The following OPHN1 variants were observed in gnomAD, a reference collection of about 807,000 sequenced individuals.
The protein encoded by OPHN1 is oligophrenin-1.
A neutral mutation model predicts 60.7 loss-of-function variants in OPHN1; 11 were observed. The ratio of observed to expected loss-of-function variants is 0.18; its 90% CI spans 0.11 to 0.30. The LOEUF is 0.30. Among genes scored for constraint, OPHN1 ranks in the 10% least tolerant of loss-of-function variants. The pLI, the probability that OPHN1 is intolerant of heterozygous loss-of-function variation, is 1.00. For synonymous variants in OPHN1, 226 were observed against 222.6 expected, an observed-to-expected ratio of 1.02 and a Z score of -0.14; for missense variants, 449 against 611.0, an observed-to-expected ratio of 0.73 and a Z score of 2.80.
At chrX:68,360,528 A>G (rs2078467018) in intron 2 of OPHN1, among the ~76,000 whole-genome samples, 1 of 110,939 alleles carries the variant, frequency 9.0e-6, no homozygotes, top group Non-Finnish European at 1.9e-5. Context: ...AGTAGCTCAC[A>G]ACTATAATCC....
intron 2 of OPHN1, 53 bp from the exon 3 acceptor site, chrX:68,299,149 A>G (rs1223672741): frequency 1.7e-5 from 14 of 805,093 alleles, no homozygotes; most frequent in Non-Finnish European, 2.6e-5. Context: ...GCTTTGATCT[A>G]TTTCCTCATC....
At chrX:68,103,984 C>G (rs1442913498) in intron 18 of OPHN1, among the ~76,000 whole-genome samples, 1 of 112,046 alleles carries the variant, frequency 8.9e-6, no homozygotes. Flanking sequence ...TCTCAGAAAA[C>G]AAAATCAATG....
At chrX:68,375,962 T>C (rs977170248) in intron 2 of OPHN1, among the ~76,000 whole-genome samples, 2 of 111,315 alleles carry the variant, frequency 1.8e-5, no homozygotes, top group Middle Eastern at 4.6e-3. Context: ...TGCAATACTT[T>C]GCAATATAGC....
rs1219758473 is a variant in OPHN1 at position 68,294,570 on chromosome X, T to C, written c.250+4431A>G. Among the ~76,000 whole-genome samples, 4 of 109,437 alleles carry C rather than the reference T, an allele frequency of 3.7e-5. No individual in the cohort carries two copies. In the Admixed American group the frequency reaches 3.9e-4, roughly 11 times the overall value. On this transcript the variant is annotated intron_variant, in intron 3 of 24. Transcript: ENST00000355520. Reference sequence around the variant, plus strand: ...TCTAGCTCATGGTGCTATGGTGACATTGCAAGTCATTTGCCTATGCCAAAA... The same window carrying C: ...TCTAGCTCATGGTGCTATGGTGACACTGCAAGTCATTTGCCTATGCCAAAA...
At chrX:68,296,148 TACC>T (rs2078093947) in intron 3 of OPHN1, among the ~76,000 whole-genome samples, 1 of 111,282 alleles carries the variant, frequency 9.0e-6, no homozygotes, top group Non-Finnish European at 1.9e-5. Flanking sequence ...TTCCTCTCAC[TACC>T]ACCACAATTC....
chrX:68,073,333 A>C, intron 19 of OPHN1, 34 bp from the exon 20 acceptor site: 1 of 1,163,095 alleles, frequency 8.6e-7, no homozygotes, highest in Non-Finnish European at 1.2e-6. Flanking sequence ...CTAGAGAATA[A>C]TTAGATCAAG....
chrX:68,372,074 C>T, intron 2 of OPHN1, among the ~76,000 whole-genome samples: 1 of 112,523 alleles, frequency 8.9e-6, no homozygotes, highest in African/African-American at 3.2e-5. Flanking sequence ...TGACACATGA[C>T]TGTATATGTT....
At chrX:68,120,282 C>T (rs2077145321) in intron 15 of OPHN1, among the ~76,000 whole-genome samples, 1 of 111,592 alleles carries the variant, frequency 9.0e-6, no homozygotes, top group Non-Finnish European at 1.9e-5. Context: ...CCAAAAATAA[C>T]AGAGGAGGCA....
intron 2 of OPHN1, among the ~76,000 whole-genome samples, chrX:68,398,259 G>T (rs1367362414): frequency 8.9e-6 from 1 of 111,769 alleles, no homozygotes; most frequent in African/African-American, 3.3e-5. Flanking sequence ...TGGTAGAAAG[G>T]CCCACCTAAA....
At chrX:68,278,674 C>T (rs1057190585) in intron 4 of OPHN1, among the ~76,000 whole-genome samples, 5 of 112,894 alleles carry the variant, frequency 4.4e-5, no homozygotes, top group African/African-American at 1.6e-4. Context: ...TCAGCTGAGG[C>T]CAGGAGTTCC....
intron 18 of OPHN1, among the ~76,000 whole-genome samples, chrX:68,108,860 CAT>C (rs2077092614): frequency 9.0e-6 from 1 of 111,466 alleles, no homozygotes; most frequent in African/African-American, 3.3e-5. Flanking sequence ...ATATGTAAAA[CAT>C]TAATATGGCT....
chrX:68,240,404 AAGGGG>A (rs992553142), intron 5 of OPHN1, among the ~76,000 whole-genome samples: 1 of 111,318 alleles, frequency 9.0e-6, no homozygotes, highest in Non-Finnish European at 1.9e-5. Context: ...TGAGGGAGTG[AAGGGG>A]AGGGGAAGTA....
rs1404224297 is a variant in OPHN1, at chrX:68,201,668, T to C, written c.976A>G (p.Thr326Ala). 8.3e-7 allele frequency: 1 copy of C among 1,210,695 alleles called. No homozygotes were observed. The highest frequency in any genetic ancestry group is 3.0e-5 in the East Asian group (1 of 33,843). The change falls in exon 11 of 25, where the codon ACG becomes GCG. Residue 326 changes from threonine to alanine, a missense_variant. This residue lies in a region of OPHN1 where 166 missense variants were observed against 278.4 expected (regional missense o/e 0.60). Transcript: ENST00000355520. ...LTLKYCVRRKTESIDKRFCFD... is the reference protein window; with the variant it reads ...LTLKYCVRRKAESIDKRFCFD... Reference sequence around the variant, plus strand: ...CAGAACCTCTTGTCGATAGACTCCGTCTTCCTTCTCACACAGTACTTCAGT... The same window carrying C: ...CAGAACCTCTTGTCGATAGACTCCGCCTTCCTTCTCACACAGTACTTCAGT...
At chrX:68,239,669 T>C (rs1435154025) in intron 5 of OPHN1, among the ~76,000 whole-genome samples, 1 of 111,973 alleles carries the variant, frequency 8.9e-6, no homozygotes, top group Non-Finnish European at 1.9e-5. Context: ...CCTTATAAAG[T>C]TTACTGATGC....
At chrX:68,148,658 G>A (rs556939245) in intron 15 of OPHN1, among the ~76,000 whole-genome samples, 14 of 111,201 alleles carry the variant, frequency 1.3e-4, no homozygotes, top group South Asian at 7.6e-4. Context: ...CAAAGTAGCC[G>A]TAAAGAGCAC....
At chrX:68,404,377 C>T (rs746824120) in intron 2 of OPHN1, among the ~76,000 whole-genome samples, 1 of 110,964 alleles carries the variant, frequency 9.0e-6, no homozygotes, top group Non-Finnish European at 1.9e-5. Context: ...CCAGGATGGT[C>T]TCCATCTCTT....
chrX:68,376,962 C>T (rs1175108097), intron 2 of OPHN1, among the ~76,000 whole-genome samples: 1 of 104,714 alleles, frequency 9.5e-6, no homozygotes, highest in Admixed American at 1.0e-4. Context: ...TGGAGTCTCA[C>T]TCTATCACCC....
At chrX:68,192,186 T>C (rs1021651518) in intron 15 of OPHN1, among the ~76,000 whole-genome samples, 4 of 111,485 alleles carry the variant, frequency 3.6e-5, no homozygotes, top group Non-Finnish European at 3.8e-5. Context: ...CAGCAAGTTA[T>C]TGAAAAGGAA....
intron 2 of OPHN1, among the ~76,000 whole-genome samples, chrX:68,378,512 C>T (rs1244266619): frequency 8.9e-6 from 1 of 111,843 alleles, no homozygotes; most frequent in Non-Finnish European, 1.9e-5. Context: ...TTGCCCATGC[C>T]TATGTCCTGA....
Sources: allele counts gnomAD v4.1 joint callset (sites outside exome capture counted in the v4.1 genomes callset), GRCh38; gene constraint gnomAD v4.1.1; regional missense constraint gnomAD v4.1.1; transcripts MANE v1.5; gene names NCBI Gene and HGNC (gene_info 2026-07-23, HGNC 2026-07-21).